Variants in LTBP1 observed in about 807,000 individuals in gnomAD.
LTBP1 encodes latent-transforming growth factor beta-binding protein 1.
In LTBP1, 129 loss-of-function variants were observed where a neutral mutation model predicts 207.6. The observed-to-expected ratio is 0.62, with a 90% CI of 0.54 to 0.72. The LOEUF is 0.72. LTBP1 is among the 30% of genes least tolerant of loss of function. The pLI, the probability that LTBP1 is intolerant of heterozygous loss-of-function variation, is 0.00. For synonymous variants in LTBP1, 963 were observed against 833.7 expected, an observed-to-expected ratio of 1.16 and a Z score of -2.67; for missense variants, 2,281 against 2,217.2, an observed-to-expected ratio of 1.03 and a Z score of -0.58.
chr2:33,257,712 A>G (rs2092902837), intron 12 of LTBP1, among the ~76,000 whole-genome samples: 1 of 152,258 alleles, frequency 6.6e-6, no homozygotes, highest in African/African-American at 2.4e-5. Context: ...TACCTAGTAG[A>G]TAACAATATT....
intron 7 of LTBP1, among the ~76,000 whole-genome samples, chr2:33,199,602 A>G (rs916618184): frequency 2.8e-4 from 42 of 152,322 alleles, no homozygotes; most frequent in Middle Eastern, 3.4e-3. Flanking sequence ...CCTATTCAAC[A>G]TAGTGTTGGA....
intron 4 of LTBP1, among the ~76,000 whole-genome samples, chr2:33,133,899 A>G (rs975283817): frequency 2.0e-5 from 3 of 152,200 alleles, no homozygotes; most frequent in Non-Finnish European, 4.4e-5. Flanking sequence ...ATTGTAAACC[A>G]GGATATACTT....
At chr2:33,273,839 CA>C (rs1292771543) in intron 16 of LTBP1, 58 bp downstream of exon 16, 5 of 1,456,932 alleles carry the variant, frequency 3.4e-6, no homozygotes, top group East Asian at 5.1e-5. Flanking sequence ...ACATTAAGAA[CA>C]TTTTTTTCTT....
chr2:33,271,216 T>C (rs1306523093), intron 15 of LTBP1, among the ~76,000 whole-genome samples: 1 of 152,206 alleles, frequency 6.6e-6, no homozygotes, highest in Admixed American at 6.5e-5. Flanking sequence ...TGACTACTCA[T>C]CAAGCTTTTC....
At chr2:33,362,779 G>C (rs1273214651) in intron 28 of LTBP1, among the ~76,000 whole-genome samples, 15 of 152,206 alleles carry the variant, frequency 9.9e-5, no homozygotes, top group Admixed American at 9.2e-4. Context: ...GCTTATGCCA[G>C]AGCATATACC....
intron 7 of LTBP1, among the ~76,000 whole-genome samples, chr2:33,206,991 A>G (rs2089934068): frequency 6.6e-6 from 1 of 152,212 alleles, no homozygotes. Flanking sequence ...AACAGGAATT[A>G]TGATGTCAGA....
chr2:33,343,408 C>G (rs1353061146), intron 25 of LTBP1, among the ~76,000 whole-genome samples: 1 of 91,264 alleles, frequency 1.1e-5, no homozygotes, highest in African/African-American at 8.0e-5. Context: ...AAGACCCTGT[C>G]TCAAAAAAAA....
At chr2:33,385,828 C>G (rs2095261022) in intron 31 of LTBP1, among the ~76,000 whole-genome samples, 1 of 152,126 alleles carries the variant, frequency 6.6e-6, no homozygotes, top group African/African-American at 2.4e-5. Context: ...GGGACTTTAG[C>G]ACATCTTCAG....
chr2:33,385,352 C>T (rs559297952), intron 31 of LTBP1, among the ~76,000 whole-genome samples: 77 of 152,216 alleles, frequency 5.1e-4, no homozygotes, highest in African/African-American at 1.8e-3. Flanking sequence ...ACTGCTTTTA[C>T]GTTTTGTTAA....
At position 33,364,283 on chromosome 2, in the gene LTBP1, C is replaced by G; in HGVS notation, c.4467C>G (p.Tyr1489Ter). The G allele has an allele frequency of 6.2e-7, 1 of 1,614,010 alleles. No individual in the cohort carries two copies. Among genetic ancestry groups the G allele is most frequent in the Non-Finnish European group, 8.5e-7 (1 of 1,179,890 alleles). Residue 1489 changes from tyrosine to a stop codon, truncating the protein, a stop_gained, in exon 30 of 34, where the codon TAC becomes TAG. Coordinates refer to ENST00000404816, the MANE Select transcript of LTBP1 (RefSeq NM_206943.4). LOFTEE classifies it high-confidence loss of function. ...AGTGTGTTAATACAGAGGGCTCTTACAACTGCTTCTGTACTCACCCCATGG... is the reference window on the plus strand; with the variant it reads ...AGTGTGTTAATACAGAGGGCTCTTAGAACTGCTTCTGTACTCACCCCATGG... ...DGQCVNTEGS[Y>*]NCFCTHPMVL... is the part of the protein sequence containing the mutation.
chr2:33,083,519 C>A (rs1411941893), intron 3 of LTBP1, among the ~76,000 whole-genome samples: 1 of 151,914 alleles, frequency 6.6e-6, no homozygotes, highest in Non-Finnish European at 1.5e-5. Context: ...CAATGGGAGG[C>A]AAACAGGAGA....
At chr2:33,299,181 G>T (rs930168336) in intron 20 of LTBP1, among the ~76,000 whole-genome samples, 4 of 151,438 alleles carry the variant, frequency 2.6e-5, no homozygotes, top group African/African-American at 4.9e-5. Context: ...GACGGAGGTT[G>T]CAGTGAGCCG....
chr2:32,964,506 T>C (rs543996539), intron 2 of LTBP1, among the ~76,000 whole-genome samples: 1 of 152,296 alleles, frequency 6.6e-6, no homozygotes, highest in East Asian at 1.9e-4. Context: ...TCATCAGTTA[T>C]TGTAGTAATA....
At chr2:32,994,638 T>A (rs1409444613) in intron 2 of LTBP1, among the ~76,000 whole-genome samples, 1 of 152,094 alleles carries the variant, frequency 6.6e-6, no homozygotes, top group East Asian at 1.9e-4. Flanking sequence ...GGATAATTTT[T>A]GTATTTTTAA....
At chr2:33,314,520 C>T (rs1163873481) in intron 23 of LTBP1, among the ~76,000 whole-genome samples, 1 of 152,196 alleles carries the variant, frequency 6.6e-6, no homozygotes, top group Non-Finnish European at 1.5e-5. Context: ...TGCACTGCAG[C>T]CTGGGCAAAA....
intron 7 of LTBP1, among the ~76,000 whole-genome samples, chr2:33,191,891 A>G (rs1311645617): frequency 3.3e-5 from 5 of 152,240 alleles, no homozygotes; most frequent in Non-Finnish European, 5.9e-5. Flanking sequence ...TGGCAGAGAT[A>G]GCCCTTGTTT....
At chr2:33,072,929 T>A (rs183229423) in intron 3 of LTBP1, among the ~76,000 whole-genome samples, 8 of 152,324 alleles carry the variant, frequency 5.3e-5, no homozygotes, top group South Asian at 2.1e-4. Flanking sequence ...TATGTACTCC[T>A]GTCATGTGTC....
At chr2:33,195,983 C>A (rs2088506590) in intron 7 of LTBP1, among the ~76,000 whole-genome samples, 1 of 152,116 alleles carries the variant, frequency 6.6e-6, no homozygotes, top group South Asian at 2.1e-4. Context: ...TGATTATTAG[C>A]ATTTTTAAAG....
intron 15 of LTBP1, among the ~76,000 whole-genome samples, chr2:33,272,093 T>C (rs1293664258): frequency 6.6e-6 from 1 of 152,220 alleles, no homozygotes; most frequent in East Asian, 1.9e-4. Flanking sequence ...TTCATATGCT[T>C]CCTTTTTCAG....
Sources: gnomAD v4.1 joint callset for allele counts (sites outside exome capture counted in the v4.1 genomes callset) on GRCh38, gnomAD v4.1.1 for gene constraint, MANE v1.5 for transcripts, NCBI Gene and HGNC (gene_info 2026-07-23, HGNC 2026-07-21) for gene names.